The following DLGAP1 variants were observed in gnomAD, a reference collection of about 807,000 sequenced individuals.
DLGAP1 encodes the protein disks large-associated protein 1.
DLGAP1 carries 11 observed loss-of-function variants against 90.8 expected under a neutral mutation model. The ratio of observed to expected loss-of-function variants is 0.12; its 90% CI spans 0.08 to 0.20. The LOEUF is 0.20. Ranked by LOEUF, DLGAP1 falls within the 10% of genes least tolerant of loss-of-function variation. The pLI is 1.00. For missense variants in DLGAP1, 1,050 were observed against 1,333.8 expected (o/e 0.79, Z 3.31); for synonymous variants, 558 against 540.7 (o/e 1.03, Z -0.44).
intron 7 of DLGAP1, among the ~76,000 whole-genome samples, chr18:3,666,757 A>G (rs540196749): frequency 9.9e-5 from 15 of 152,182 alleles, no homozygotes; most frequent in African/African-American, 3.6e-4. Flanking sequence ...TTTTTAAACA[A>G]TTTTTAAATT....
intron 7 of DLGAP1, among the ~76,000 whole-genome samples, chr18:3,724,052 T>C (rs1568017553): frequency 6.6e-6 from 1 of 152,192 alleles, no homozygotes; most frequent in African/African-American, 2.4e-5. Flanking sequence ...TGGTGGGGCA[T>C]AGTGGCTCAC....
chr18:3,883,175 C>T (rs762435489), intron 3 of DLGAP1, among the ~76,000 whole-genome samples: 1 of 152,122 alleles, frequency 6.6e-6, no homozygotes, highest in Non-Finnish European at 1.5e-5. Flanking sequence ...ATCCAGGAGG[C>T]GGAGGTTGCG....
At chr18:3,883,893 T>C (rs1054355766) in intron 3 of DLGAP1, among the ~76,000 whole-genome samples, 2 of 152,218 alleles carry the variant, frequency 1.3e-5, no homozygotes, top group African/African-American at 4.8e-5. Context: ...CTTCTGCCGT[T>C]CTACCTGTCT....
At chr18:3,813,699 G>A (rs570462105) in intron 5 of DLGAP1, among the ~76,000 whole-genome samples, 38 of 152,092 alleles carry the variant, frequency 2.5e-4, no homozygotes, top group African/African-American at 6.5e-4. Context: ...TGTGTACTTC[G>A]TGCCTGAGCA....
chr18:3,981,725 G>C (rs1371897664), intron 3 of DLGAP1, among the ~76,000 whole-genome samples: 5 of 152,200 alleles, frequency 3.3e-5, no homozygotes, highest in Non-Finnish European at 5.9e-5. Context: ...ATAAAGGACT[G>C]ATTGACTATT....
intron 4 of DLGAP1, among the ~76,000 whole-genome samples, chr18:3,825,881 T>C (rs1270702843): frequency 1.3e-5 from 2 of 152,114 alleles, no homozygotes; most frequent in Non-Finnish European, 2.9e-5. Context: ...ACCTAGGTGC[T>C]CATCAATCGT....
intron 7 of DLGAP1, among the ~76,000 whole-genome samples, chr18:3,668,919 G>A (rs2059978156): frequency 6.6e-6 from 1 of 152,034 alleles, no homozygotes; most frequent in African/African-American, 2.4e-5. Context: ...GGGAGGCGGA[G>A]CTTGCAATGA....
At chr18:4,311,740 G>GA (rs2080402730) in intron 1 of DLGAP1, among the ~76,000 whole-genome samples, 1 of 152,058 alleles carries the variant, frequency 6.6e-6, no homozygotes, top group African/African-American at 2.4e-5. Flanking sequence ...TTTTGAGACA[G>GA]AATCTCGCTC....
intron 1 of DLGAP1, among the ~76,000 whole-genome samples, chr18:4,309,212 G>A (rs1367583395): frequency 6.6e-6 from 1 of 152,284 alleles, no homozygotes; most frequent in East Asian, 1.9e-4. Context: ...TCAGCATTGT[G>A]CTTTGGGGTT....
At chr18:4,077,629 C>T (rs1029153751) in intron 2 of DLGAP1, among the ~76,000 whole-genome samples, 4 of 152,100 alleles carry the variant, frequency 2.6e-5, no homozygotes, top group African/African-American at 9.7e-5. Flanking sequence ...ATATTACTGG[C>T]TTCTCTCCCC....
At chr18:4,071,615 C>T (rs1254765638) in intron 2 of DLGAP1, among the ~76,000 whole-genome samples, 1 of 152,084 alleles carries the variant, frequency 6.6e-6, no homozygotes, top group Non-Finnish European at 1.5e-5. Flanking sequence ...AATAATAGTC[C>T]CATTATATTA....
At chr18:4,212,694 C>T (rs2077871227) in intron 1 of DLGAP1, among the ~76,000 whole-genome samples, 2 of 150,780 alleles carry the variant, frequency 1.3e-5, no homozygotes, top group Non-Finnish European at 3.0e-5. Flanking sequence ...AATTAAATAG[C>T]TTAATTGGTA....
intron 4 of DLGAP1, among the ~76,000 whole-genome samples, chr18:3,833,396 G>A (rs112471126): frequency 7.9e-5 from 12 of 152,044 alleles, no homozygotes; most frequent in African/African-American, 2.7e-4. Flanking sequence ...ACCACGCCCA[G>A]TTAATTTTTG....
At chr18:4,357,223 G>A (rs867229284) in intron 1 of DLGAP1, among the ~76,000 whole-genome samples, 7 of 133,106 alleles carry the variant, frequency 5.3e-5, no homozygotes, top group Non-Finnish European at 7.7e-5. Context: ...GCACCATCTC[G>A]GCTCACTGCA....
chr18:4,059,887 C>T (rs918049596), intron 2 of DLGAP1, among the ~76,000 whole-genome samples: 2 of 152,242 alleles, frequency 1.3e-5, no homozygotes, highest in Admixed American at 1.3e-4. Context: ...GATGCAGAGG[C>T]AGGCTCAACT....
chr18:4,268,999 A>G (rs1568482077), intron 1 of DLGAP1, among the ~76,000 whole-genome samples: 1 of 152,110 alleles, frequency 6.6e-6, no homozygotes, highest in Non-Finnish European at 1.5e-5. Context: ...TTTTTTGGAC[A>G]TAATTTGAAC....
At chr18:3,627,324 T>C (rs971063578) in intron 7 of DLGAP1, among the ~76,000 whole-genome samples, 1 of 152,212 alleles carries the variant, frequency 6.6e-6, no homozygotes, top group Non-Finnish European at 1.5e-5. Flanking sequence ...CAGAAGTTTA[T>C]AGGCTTCTGA....
chr18:4,262,628 A>C (rs1011595840), intron 1 of DLGAP1, among the ~76,000 whole-genome samples: 2 of 152,186 alleles, frequency 1.3e-5, no homozygotes, highest in African/African-American at 4.8e-5. Context: ...AGATTTTAAA[A>C]TCCTCAGGGA....
chr18:4,053,584 A>G (rs920296117), intron 2 of DLGAP1, among the ~76,000 whole-genome samples: 2 of 151,832 alleles, frequency 1.3e-5, no homozygotes, highest in Non-Finnish European at 2.9e-5. Context: ...AGTACATAGC[A>G]CCTCCCCCTT....
Sources: gnomAD v4.1 joint callset for allele counts (sites outside exome capture counted in the v4.1 genomes callset) on GRCh38, gnomAD v4.1.1 for gene constraint, MANE v1.5 for transcripts, NCBI Gene and HGNC (gene_info 2026-07-23, HGNC 2026-07-21) for gene names.